The following CDC14A variants were observed in gnomAD, a reference collection of about 807,000 sequenced individuals.
CDC14A encodes the protein dual specificity protein phosphatase CDC14A.
In CDC14A, 53 loss-of-function variants were observed where a neutral mutation model predicts 74.4. The ratio of observed to expected loss-of-function variants is 0.71; its 90% CI spans 0.57 to 0.89. The LOEUF is 0.89. Among genes scored for constraint, CDC14A ranks in the 40% least tolerant of loss-of-function variants. The pLI is 0.00. For synonymous variants in CDC14A, 247 were observed against 258.4 expected (o/e 0.96, Z 0.43); for missense variants, 646 against 713.7 (o/e 0.91, Z 1.08).
At chr1:100,352,370 C>A, upstream of CDC14A, 1 of 726,724 alleles carries the variant, frequency 1.4e-6, no homozygotes, top group Non-Finnish European at 1.7e-6. Flanking sequence ...CGGGGCTGTC[C>A]CTTTAAGGGA....
intron 9 of CDC14A, among the ~76,000 whole-genome samples, chr1:100,463,120 T>C (rs545883787): frequency 6.6e-5 from 10 of 152,228 alleles, no homozygotes; most frequent in Admixed American, 6.5e-4. Flanking sequence ...ACCTTACCTT[T>C]CCAGGCCCAC....
rs1651199283 is a variant in CDC14A, at chr1:100,352,519, A to G, written c.-436A>G. ...AGGAGGATCCGGAGCAGCTGCTGCC[A>G]GCCCGCGGGCACTGAAGTCCTCCCG... On this transcript the variant is annotated 5_prime_UTR_variant, in exon 1 of 16. Transcript: ENST00000336454. 2.9e-6 allele frequency: 3 copies of G among 1,030,910 alleles called. No homozygotes were observed. The highest frequency in any genetic ancestry group is 3.5e-6 in the Non-Finnish European group (3 of 859,746). 63.9% of individuals were successfully genotyped at this position (1,030,910 alleles called of 1,614,324 possible).
chr1:100,378,467 G>C (rs1433945516), intron 3 of CDC14A, among the ~76,000 whole-genome samples: 1 of 152,106 alleles, frequency 6.6e-6, no homozygotes, highest in Non-Finnish European at 1.5e-5. Flanking sequence ...AATGTTACTG[G>C]TGTTACATAG....
chr1:100,491,561 TATATA>T, intron 11 of CDC14A, among the ~76,000 whole-genome samples: 1 of 82,666 alleles, frequency 1.2e-5, no homozygotes, highest in African/African-American at 5.3e-5. Flanking sequence ...TATATATATA[TATATA>T]TATATATTTT....
At chr1:100,499,463 G>T (rs1648450329) in intron 15 of CDC14A, 1 of 1,458,662 alleles carries the variant, frequency 6.9e-7, no homozygotes, top group Non-Finnish European at 9.0e-7. Flanking sequence ...AGTCACAACT[G>T]GGTTTTCTTC....
At chr1:100,486,065 T>G (rs1557814827) in intron 11 of CDC14A, 1 of 152,226 alleles carries the variant, frequency 6.6e-6, no homozygotes, top group Non-Finnish European at 1.5e-5. Context: ...GATTTTAACA[T>G]GATAATATAG....
intron 8 of CDC14A, 168 bp from the exon 9 acceptor site, chr1:100,462,483 A>G: frequency 3.3e-6 from 2 of 607,812 alleles, no homozygotes; most frequent in South Asian, 2.0e-5. Context: ...GCTTACAGTT[A>G]TGCAGATTGA....
At chr1:100,412,723 T>TA (rs1491148182) in intron 4 of CDC14A, among the ~76,000 whole-genome samples, 1,042 of 82,950 alleles carry the variant, frequency 0.013, 10 homozygotes, top group African/African-American at 0.029. Context: ...TATATATATA[T>TA]TTTATATATA....
In CDC14A at chr1:100,503,596, G is replaced by C. The variant is rs115947137; in HGVS notation, c.1755+4334G>C. On this transcript the variant is annotated intron_variant, in intron 15 of 15. Transcript: ENST00000336454. ...GAACAAATGTTAAGGATTCCTTATG[G>C]TTGTGACAGAATGCTGAGGAACAGT... is the stretch of plus-strand genomic sequence containing the variant. Among the ~76,000 whole-genome samples, 475 of 152,276 alleles carry C rather than the reference G, an allele frequency of 3.1e-3. 4 individuals are homozygous for C. The highest frequency in any genetic ancestry group is 0.02 in the Middle Eastern group (6 of 294).
At chr1:100,394,072 T>G (rs530532261) in intron 4 of CDC14A, 3 of 220,246 alleles carry the variant, frequency 1.4e-5, no homozygotes, top group African/African-American at 2.4e-5. Flanking sequence ...TCTTTACCCC[T>G]TTTTCCCTCC....
At position 100,425,778 on chromosome 1, in the gene CDC14A, A is replaced by T. The variant is rs557711804; in HGVS notation, c.389+1477A>T. On this transcript the variant is annotated intron_variant, in intron 5 of 15. Transcript: ENST00000336454. ...TCCTTCCACTTCTAATGGCTCCTAT[A>T]CTTTGAAAGTCCTTTGTAAAATATA... Among the ~76,000 whole-genome samples, 11 of 152,334 alleles carry T rather than the reference A, an allele frequency of 7.2e-5. 1 individual carries two copies. The highest frequency in any genetic ancestry group is 7.2e-4 in the Admixed American group (11 of 15,296).
intron 10 of CDC14A, among the ~76,000 whole-genome samples, chr1:100,483,855 T>C (rs1212431005): frequency 2.0e-5 from 3 of 152,176 alleles, no homozygotes; most frequent in Non-Finnish European, 4.4e-5. Flanking sequence ...GCAATACTTT[T>C]TTGGGTAATA....
chr1:100,442,189 A>G (rs1571202971), intron 6 of CDC14A, among the ~76,000 whole-genome samples: 1 of 150,276 alleles, frequency 6.7e-6, no homozygotes, highest in African/African-American at 2.4e-5. Context: ...GCAGTCAAGT[A>G]TAATTCTACT....
At chr1:100,380,710 CT>C (rs1655985988) in intron 3 of CDC14A, among the ~76,000 whole-genome samples, 2 of 152,218 alleles carry the variant, frequency 1.3e-5, no homozygotes, top group African/African-American at 4.8e-5. Context: ...GCTTTCTTGT[CT>C]TTCTGCCTTG....
upstream of CDC14A, among the ~76,000 whole-genome samples, chr1:100,348,281 CAAAA>C: frequency 2.3e-5 from 2 of 87,210 alleles, no homozygotes; most frequent in Admixed American, 1.3e-4. Flanking sequence ...GACTCCATTT[CAAAA>C]AAAAAAAAAA....
Position 100,468,087 on chromosome 1 carries a change from C to T in CDC14A, c.970C>T (p.Leu324=), listed in dbSNP as rs969466948. Residue 324 remains leucine (L), a synonymous_variant, in exon 10 of 16, where the codon CTG becomes TTG. Transcript: ENST00000336454. ...GSIIGPQQHF[L]EEKQASLWVQ... ...TATTATAGGACCCCAGCAGCACTTCCTGGAAGAGTAAGTATATTGTCCCCA... is the reference window on the plus strand; with the variant it reads ...TATTATAGGACCCCAGCAGCACTTCTTGGAAGAGTAAGTATATTGTCCCCA... The T allele has an allele frequency of 1.2e-6, 2 of 1,613,710 alleles. No individual in the cohort carries two copies. Among genetic ancestry groups the T allele is most frequent in the Middle Eastern group, 1.7e-4 (1 of 6,060 alleles).
At chr1:100,429,712 TTTATATATATA>T (rs1242844603) in intron 5 of CDC14A, among the ~76,000 whole-genome samples, 1 of 143,976 alleles carries the variant, frequency 6.9e-6, no homozygotes, top group African/African-American at 2.5e-5. Flanking sequence ...ATCAAGTATA[TTTATATATATA>T]TTATATATAT....
intron 4 of CDC14A, among the ~76,000 whole-genome samples, chr1:100,399,384 G>A (rs1270701597): frequency 1.3e-5 from 2 of 152,050 alleles, no homozygotes; most frequent in Non-Finnish European, 2.9e-5. Flanking sequence ...GCCAGAAATA[G>A]GGTAAATAAT....
rs17122637 is a variant in CDC14A, at chr1:100,484,259, T to C, written c.978-33T>C. 3,015 of 1,340,410 alleles carry C rather than the reference T, an allele frequency of 2.2e-3. 85 individuals carry two copies. In the African/African-American group the frequency reaches 0.042, roughly 19 times the overall value. 83.0% of individuals were successfully genotyped at this position (1,340,410 alleles called of 1,614,324 possible). A position where few individuals can be genotyped will look rare whatever the true frequency, so the allele number is the denominator to read the frequency against. On this transcript the variant is annotated intron_variant, in intron 10 of 15. Coordinates refer to ENST00000336454, the MANE Select transcript of CDC14A (RefSeq NM_003672.4). ...AGATTGTTTTAAAGATAACTTTTTC[T>C]TGTCGTTTTGTTTTGTTTTGTTTTT...
Sources: allele counts gnomAD v4.1 joint callset (sites outside exome capture counted in the v4.1 genomes callset), GRCh38; gene constraint gnomAD v4.1.1; transcripts MANE v1.5; gene names NCBI Gene and HGNC (gene_info 2026-07-23, HGNC 2026-07-21).